The following KCNQ1OT1 variants were observed in gnomAD, a reference collection of about 807,000 sequenced individuals.
KCNQ1OT1 encodes KCNQ1 opposite strand/antisense transcript 1.
In KCNQ1OT1 at chr11:2,652,729, C is replaced by T. The variant is rs1309057501; in HGVS notation, n.47266G>A. The stretch of plus-strand genomic sequence containing the variant: ...TCCGTTTCCTGGGCTCACTCACGCT[C>T]AGGGTTGACCCTGTCCTGGCTCTGT... On this transcript the variant is annotated non_coding_transcript_exon_variant, in exon 1 of 1. Coordinates refer to ENST00000597346, the Ensembl canonical transcript of KCNQ1OT1. This position sits in a 1 kb window ranked among gnomAD's most constrained non-coding sequence, Gnocchi z 5.9. 5.0e-6 allele frequency: 2 copies of T among 398,750 alleles called. No individual in the cohort carries two copies. The highest frequency in any genetic ancestry group is 8.8e-6 in the Non-Finnish European group (2 of 226,286). The allele number at this position is 398,750 out of a possible 1,614,324, so 24.7% of individuals were successfully genotyped here.
At chr11:2,672,418 G>C (rs1850202590) in exon 1 of KCNQ1OT1, 1 of 398,462 alleles carries the variant, frequency 2.5e-6, no homozygotes, top group Non-Finnish European at 4.4e-6. Flanking sequence ...TGAGAGTACA[G>C]AACAGTCCAC....
chr11:2,684,165 G>A (rs529967256), exon 1 of KCNQ1OT1: 11 of 398,636 alleles, frequency 2.8e-5, no homozygotes, highest in African/African-American at 1.8e-4. Flanking sequence ...GAGGACTTAG[G>A]AAGAGAAGCG....
At chr11:2,699,607 C>T (rs1850745731) in exon 1 of KCNQ1OT1, 2 of 352,446 alleles carry the variant, frequency 5.7e-6, no homozygotes, top group Non-Finnish European at 1.0e-5. Context: ...CGGCGAGAGG[C>T]CCCCGGAGAG....
exon 1 of KCNQ1OT1, chr11:2,628,381 T>C (rs1002957963): frequency 2.5e-6 from 1 of 398,408 alleles, no homozygotes; most frequent in Non-Finnish European, 4.4e-6. Flanking sequence ...ATTTCCCTGA[T>C]GATAAGTGAT....
exon 1 of KCNQ1OT1, chr11:2,615,869 C>T (rs1374772730): frequency 2.5e-6 from 1 of 397,984 alleles, no homozygotes; most frequent in African/African-American, 2.1e-5. Context: ...CCATGTAATA[C>T]TGGCCTCATA....
chr11:2,618,000 T>G lies in KCNQ1OT1; in HGVS notation n.81995A>C. 1 of 398,600 alleles carries G rather than the reference T, an allele frequency of 2.5e-6. No homozygotes were observed. The highest frequency in any genetic ancestry group is 4.4e-6 in the Non-Finnish European group (1 of 226,048). 24.7% of individuals were successfully genotyped at this position (398,600 alleles called of 1,614,324 possible). On this transcript the variant is annotated non_coding_transcript_exon_variant, in exon 1 of 1. Coordinates refer to ENST00000597346, the Ensembl canonical transcript of KCNQ1OT1. This position sits in a 1 kb window ranked among gnomAD's most constrained non-coding sequence, Gnocchi z 4.6. ...TCCATAGGTTGCCTTTTCCTTTTGT[T>G]GACTGTTTCCGTTCCTGTGCAGAAG...
exon 1 of KCNQ1OT1, chr11:2,684,885 C>T: frequency 2.5e-6 from 1 of 398,684 alleles, no homozygotes; most frequent in Non-Finnish European, 4.4e-6. Context: ...GTTTTAGATT[C>T]TTTCACTACA....
Position 2,683,796 on chromosome 11 carries a change from C to T in KCNQ1OT1, n.16199G>A, listed in dbSNP as rs184781694. On this transcript the variant is annotated non_coding_transcript_exon_variant, in exon 1 of 1. Coordinates refer to ENST00000597346, the Ensembl canonical transcript of KCNQ1OT1. The surrounding 1 kb of genome is among the most constrained non-coding windows in gnomAD (Gnocchi z 4.7). ...GGCTGGCTGCTCTTACTCTATACCC[C>T]AAAATCCCAGCCACTAGCTTGCAGA... 2.5e-6 allele frequency: 1 copy of T among 398,492 alleles called. No individual in the cohort carries two copies. Among genetic ancestry groups the T allele is most frequent in the African/African-American group, 2.1e-5 (1 of 48,616 alleles). The allele number at this position is 398,492 out of a possible 1,614,324, so 24.7% of individuals were successfully genotyped here.
At position 2,669,684 on chromosome 11, in the gene KCNQ1OT1, G is replaced by A. The variant is rs1850146528; in HGVS notation, n.30311C>T. On this transcript the variant is annotated non_coding_transcript_exon_variant, in exon 1 of 1. Coordinates refer to ENST00000597346, the Ensembl canonical transcript of KCNQ1OT1. The surrounding 1 kb of genome is among the most constrained non-coding windows in gnomAD (Gnocchi z 5.6). ...TCACAGTATTAGTGTAAGGCCTTGA[G>A]GAGATGGTGTTAGGCATCCAGCCAC... 5.0e-6 allele frequency: 2 copies of A among 398,640 alleles called. No homozygotes were observed. Among genetic ancestry groups the A allele is most frequent in the Non-Finnish European group, 8.8e-6 (2 of 226,076 alleles). The allele number at this position is 398,640 out of a possible 1,614,324, so 24.7% of individuals were successfully genotyped here.
chr11:2,627,478 A>G lies in KCNQ1OT1; in HGVS notation n.72517T>C, dbSNP rs1023723996. ...TTTCCCCTACTCCCTGACCCCTAGTAACCACCCTTCTACTCTCCGTTTCTC... is the reference window on the plus strand; with the variant it reads ...TTTCCCCTACTCCCTGACCCCTAGTGACCACCCTTCTACTCTCCGTTTCTC... On this transcript the variant is annotated non_coding_transcript_exon_variant, in exon 1 of 1. Transcript: ENST00000597346. The surrounding 1 kb of genome is among the most constrained non-coding windows in gnomAD (Gnocchi z 4.9). The G allele has an allele frequency of 7.5e-6, 3 of 398,410 alleles. No individual in the cohort carries two copies. The highest frequency in any genetic ancestry group is 1.3e-5 in the Non-Finnish European group (3 of 226,056). 24.7% of individuals were successfully genotyped at this position (398,410 alleles called of 1,614,324 possible). A position where few individuals can be genotyped will look rare whatever the true frequency, so the allele number is the denominator to read the frequency against.
At position 2,652,962 on chromosome 11, in the gene KCNQ1OT1, G is replaced by A. The variant is rs779279424; in HGVS notation, n.47033C>T. The A allele has an allele frequency of 3.5e-5, 14 of 398,500 alleles. No individual in the cohort carries two copies. The highest frequency in any genetic ancestry group is 8.8e-5 in the Admixed American group (2 of 22,718). The allele number at this position is 398,500 out of a possible 1,614,324, so 24.7% of individuals were successfully genotyped here. On this transcript the variant is annotated non_coding_transcript_exon_variant, in exon 1 of 1. Transcript: ENST00000597346. This position sits in a 1 kb window ranked among gnomAD's most constrained non-coding sequence, Gnocchi z 5.9. ...CCTCCCTGGGACTTCTCAGGATTCC[G>A]GAAGTCATCTTTGACTGTGTCACAT...
In KCNQ1OT1 at chr11:2,663,599, G is replaced by C. The variant is rs1335162392; in HGVS notation, n.36396C>G. The C allele has an allele frequency of 2.5e-6, 1 of 398,538 alleles. No homozygotes were observed. Among genetic ancestry groups the C allele is most frequent in the Non-Finnish European group, 4.4e-6 (1 of 226,138 alleles). 24.7% of individuals were successfully genotyped at this position (398,538 alleles called of 1,614,324 possible). On this transcript the variant is annotated non_coding_transcript_exon_variant, in exon 1 of 1. Coordinates refer to ENST00000597346, the Ensembl canonical transcript of KCNQ1OT1. The surrounding 1 kb of genome is among the most constrained non-coding windows in gnomAD (Gnocchi z 5.2). The stretch of plus-strand genomic sequence containing the variant: ...CCTGTTGGAGCTCTCGCTCACCTTG[G>C]TTCTCTTGGTCACGGACCAGCATCC...
Position 2,642,183 on chromosome 11 carries a change from C to T in KCNQ1OT1, n.57812G>A. 2.5e-6 allele frequency: 1 copy of T among 398,364 alleles called. No homozygotes were observed. Among genetic ancestry groups the T allele is most frequent in the Non-Finnish European group, 4.4e-6 (1 of 225,936 alleles). The allele number at this position is 398,364 out of a possible 1,614,324, so 24.7% of individuals were successfully genotyped here. A position where few individuals can be genotyped will look rare whatever the true frequency, so the allele number is the denominator to read the frequency against. Reference sequence around the variant, plus strand: ...GGCATTGGTATTTTGAGAGAGACTGCATTGAATCTGTAGATTGCTTTGGGT... The same window carrying T: ...GGCATTGGTATTTTGAGAGAGACTGTATTGAATCTGTAGATTGCTTTGGGT... On this transcript the variant is annotated non_coding_transcript_exon_variant, in exon 1 of 1. Transcript: ENST00000597346. This position sits in a 1 kb window ranked among gnomAD's most constrained non-coding sequence, Gnocchi z 4.3.
exon 1 of KCNQ1OT1, chr11:2,688,728 G>A (rs756546492): frequency 3.0e-5 from 12 of 398,846 alleles, no homozygotes; most frequent in Non-Finnish European, 4.4e-5. Context: ...TGGGTGGCCC[G>A]GCTCTGAGCT....
In KCNQ1OT1 at chr11:2,654,701, G is replaced by T. The variant is rs1010227320; in HGVS notation, n.45294C>A. 1 of 398,782 alleles carries T rather than the reference G, an allele frequency of 2.5e-6. No individual in the cohort carries two copies. The allele number at this position is 398,782 out of a possible 1,614,324, so 24.7% of individuals were successfully genotyped here. A position where few individuals can be genotyped will look rare whatever the true frequency, so the allele number is the denominator to read the frequency against. ...GAGCTTTGAGCTTTGTCATAGGCTGGACTTGGGGCTTGAATGCTGACCTAA... is the reference window on the plus strand; with the variant it reads ...GAGCTTTGAGCTTTGTCATAGGCTGTACTTGGGGCTTGAATGCTGACCTAA... On this transcript the variant is annotated non_coding_transcript_exon_variant, in exon 1 of 1. Transcript: ENST00000597346. The surrounding 1 kb of genome is among the most constrained non-coding windows in gnomAD (Gnocchi z 6.4).
chr11:2,655,702 A>G lies in KCNQ1OT1; in HGVS notation n.44293T>C, dbSNP rs1318677057. On this transcript the variant is annotated non_coding_transcript_exon_variant, in exon 1 of 1. Transcript: ENST00000597346. ...ACCCACCCACCCCCAGCTCCCCTCC[A>G]TGCTCTCCTAGATGCCTGACCTGGC... The G allele has an allele frequency of 6.3e-4, 5 of 7,980 alleles. No homozygotes were observed. The South Asian group carries it at 0.011, about 17-fold the overall frequency. The allele number at this position is 7,980 out of a possible 1,614,324, so 0.5% of individuals were successfully genotyped here.
chr11:2,620,470 C>T lies in KCNQ1OT1; in HGVS notation n.79525G>A. 3 of 331,700 alleles carry T rather than the reference C, an allele frequency of 9.0e-6. No individual in the cohort carries two copies. Among genetic ancestry groups the T allele is most frequent in the Non-Finnish European group, 1.6e-5 (3 of 185,248 alleles). 20.5% of individuals were successfully genotyped at this position (331,700 alleles called of 1,614,324 possible). ...ACCTCAGGTGATCCACCCGCCTTGGCCTCCCAAAGTGCTGGGATTACAGGT... is the reference window on the plus strand; with the variant it reads ...ACCTCAGGTGATCCACCCGCCTTGGTCTCCCAAAGTGCTGGGATTACAGGT... On this transcript the variant is annotated non_coding_transcript_exon_variant, in exon 1 of 1. Coordinates refer to ENST00000597346, the Ensembl canonical transcript of KCNQ1OT1. The surrounding 1 kb of genome is among the most constrained non-coding windows in gnomAD (Gnocchi z 4.5).
rs575981904 is a variant in KCNQ1OT1 at position 2,623,362 on chromosome 11, G to A, written n.76633C>T. On this transcript the variant is annotated non_coding_transcript_exon_variant, in exon 1 of 1. Coordinates refer to ENST00000597346, the Ensembl canonical transcript of KCNQ1OT1. This position sits in a 1 kb window ranked among gnomAD's most constrained non-coding sequence, Gnocchi z 5.2. ...TACCATTATAGTATCATACAGATAC[G>A]TATATTTACATATATTTGTACATTT... is the stretch of plus-strand genomic sequence containing the variant. 5.3e-5 allele frequency: 21 copies of A among 398,532 alleles called. No homozygotes were observed. In the South Asian group the frequency reaches 1.5e-3, roughly 29 times the overall value. The allele number at this position is 398,532 out of a possible 1,614,324, so 24.7% of individuals were successfully genotyped here.
chr11:2,665,290 CAT>C, exon 1 of KCNQ1OT1: 1 of 398,472 alleles, frequency 2.5e-6, no homozygotes, highest in Non-Finnish European at 4.4e-6. Flanking sequence ...CACCCAGAAC[CAT>C]ATGACAGGGC....
Sources: gnomAD v4.1 joint callset for allele counts on GRCh38, gnomAD v4.1.1 for gene constraint, Gnocchi (gnomAD v3.1) non-coding constraint, MANE v1.5 for transcripts, NCBI Gene and HGNC (gene_info 2026-07-23, HGNC 2026-07-21) for gene names.